HECW1: variants seen among roughly 807,000 people sequenced by gnomAD.
HECW1 encodes the protein HECT, C2 and WW domain containing E3 ubiquitin protein ligase 1.
Under a neutral mutation model 182.3 loss-of-function variants are expected in HECW1, and 61 were observed. The observed-to-expected ratio is 0.33, with a 90% CI of 0.27 to 0.41. The LOEUF (loss-of-function observed/expected upper bound fraction) is 0.41. Ranked by LOEUF, HECW1 falls within the 10% of genes least tolerant of loss-of-function variation. The pLI, the probability that HECW1 is intolerant of heterozygous loss-of-function variation, is 1.00. For missense variants in HECW1, 1,739 were observed against 2,108.9 expected, an observed-to-expected ratio of 0.82 and a Z score of 3.44; for synonymous variants, 859 against 832.6, an observed-to-expected ratio of 1.03 and a Z score of -0.55.
intron 2 of HECW1, among the ~76,000 whole-genome samples, chr7:43,158,666 T>G (rs1004024186): frequency 6.6e-6 from 1 of 152,104 alleles, no homozygotes; most frequent in East Asian, 1.9e-4. Flanking sequence ...ACCCCTCCAA[T>G]CCCATCCCCT....
At chr7:43,406,002 A>G (rs1031355701) in intron 7 of HECW1, among the ~76,000 whole-genome samples, 4 of 152,194 alleles carry the variant, frequency 2.6e-5, no homozygotes, top group Admixed American at 6.5e-5. Context: ...AGTCTTGCGC[A>G]TGCCTCCTCT....
chr7:43,149,421 A>T (rs1006719691), intron 2 of HECW1, among the ~76,000 whole-genome samples: 5 of 152,252 alleles, frequency 3.3e-5, no homozygotes, highest in African/African-American at 1.2e-4. Context: ...GAATTTTTTG[A>T]AATGTCCACA....
chr7:43,277,154 A>G (rs1803264328), intron 3 of HECW1, among the ~76,000 whole-genome samples: 1 of 152,164 alleles, frequency 6.6e-6, no homozygotes, highest in Non-Finnish European at 1.5e-5. Context: ...ATTAGGTAAA[A>G]TGTGAAGATG....
At chr7:43,358,547 T>C (rs1815448021) in intron 5 of HECW1, among the ~76,000 whole-genome samples, 1 of 152,154 alleles carries the variant, frequency 6.6e-6, no homozygotes, top group Non-Finnish European at 1.5e-5. Flanking sequence ...ATCACCCAGG[T>C]AATGGAAAAC....
At chr7:43,406,382 C>CAG (rs1387343755) in intron 7 of HECW1, among the ~76,000 whole-genome samples, 3 of 152,170 alleles carry the variant, frequency 2.0e-5, no homozygotes, top group Non-Finnish European at 4.4e-5. Context: ...ATTATCATGC[C>CAG]AGAGAGTAGG....
chr7:43,472,763 T>G (rs2078073103), intron 16 of HECW1, among the ~76,000 whole-genome samples: 1 of 152,210 alleles, frequency 6.6e-6, no homozygotes, highest in Non-Finnish European at 1.5e-5. Context: ...TTAAAAATCT[T>G]ATCAATATGC....
intron 5 of HECW1, among the ~76,000 whole-genome samples, chr7:43,324,000 C>A (rs1369010035): frequency 2.0e-5 from 3 of 151,770 alleles, no homozygotes; most frequent in African/African-American, 7.3e-5. Flanking sequence ...CACCATTGCA[C>A]TCCAGTTTGG....
At chr7:43,153,908 G>C (rs1440869255) in intron 2 of HECW1, among the ~76,000 whole-genome samples, 1 of 151,986 alleles carries the variant, frequency 6.6e-6, no homozygotes, top group African/African-American at 2.4e-5. Flanking sequence ...TATGCTTTTT[G>C]TTGATGAGAT....
In HECW1 at chr7:43,214,149, A is replaced by G. The variant is rs180676465; in HGVS notation, c.-31-29726A>G. On this transcript the variant is annotated intron_variant, in intron 2 of 29. Transcript: ENST00000395891. The stretch of plus-strand genomic sequence containing the variant: ...ACATATGTATTTCTATAGTTTTTCT[A>G]GTTTTTCATATATATTTCTCTCTAA... Among the ~76,000 whole-genome samples the G allele has an allele frequency of 3.9e-4, 59 of 151,488 alleles. 1 individual carries two copies. The East Asian group carries it at 0.011, about 29-fold the overall frequency.
intron 5 of HECW1, among the ~76,000 whole-genome samples, chr7:43,331,155 GC>G (rs1172892729): frequency 6.6e-6 from 1 of 151,448 alleles, no homozygotes; most frequent in East Asian, 2.0e-4. Flanking sequence ...CCCACGACAG[GC>G]CCCCGTGTGT....
chr7:43,209,018 A>C (rs563402241), intron 2 of HECW1, among the ~76,000 whole-genome samples: 1 of 152,190 alleles, frequency 6.6e-6, no homozygotes, highest in Non-Finnish European at 1.5e-5. Flanking sequence ...ACTTGGCTAT[A>C]TGCACAAAAC....
chr7:43,159,348 G>A (rs1385408144), intron 2 of HECW1, among the ~76,000 whole-genome samples: 2 of 28,348 alleles, frequency 7.1e-5, no homozygotes, highest in Non-Finnish European at 1.5e-4. Context: ...CCAACCCCCC[G>A]ACAGGCCCCT....
chr7:43,521,135 C>G (rs781679586), intron 24 of HECW1, among the ~76,000 whole-genome samples: 28 of 152,180 alleles, frequency 1.8e-4, no homozygotes, highest in Non-Finnish European at 3.8e-4. Flanking sequence ...TTGACGGATG[C>G]GTCTCTCAGA....
chr7:43,561,184 C>T (rs180800702), intron 29 of HECW1, among the ~76,000 whole-genome samples: 1 of 152,338 alleles, frequency 6.6e-6, no homozygotes, highest in East Asian at 1.9e-4. Context: ...CAGGAGGAAG[C>T]ACATGAAGCA....
Position 43,541,912 on chromosome 7 carries a change from C to T in HECW1, c.4162C>T (p.His1388Tyr). 1 of 1,551,940 alleles carries T rather than the reference C, an allele frequency of 6.4e-7. No homozygotes were observed. Residue 1388 changes from histidine (H) to tyrosine (Y), a missense_variant, in exon 26 of 30, where the codon CAC becomes TAC. Physicochemically the swap from His to Tyr is moderately conservative, Grantham distance 83 (BLOSUM62 2). Around this residue, in one of 5 missense-constraint regions of HECW1, gnomAD observed 420 missense variants for 595.7 expected, o/e 0.71. Transcript: ENST00000395891. ...SDLEYLDEEF[H>Y]QSLQWMKDNN... The stretch of plus-strand genomic sequence containing the variant: ...CCTGGAATATTTGGATGAGGAATTC[C>T]ACCAGAGTTTGCAGTGGATGAAGGA...
rs2076577661 is a variant in HECW1, at chr7:43,432,298, C to T, written c.802-5705C>T. On this transcript the variant is annotated intron_variant, in intron 8 of 29. Coordinates refer to ENST00000395891, the MANE Select transcript of HECW1 (RefSeq NM_015052.5). This position sits in a 1 kb window ranked among gnomAD's most constrained non-coding sequence, Gnocchi z 4.1. ...GGGACTACAGGCGCCCGCCACTACA[C>T]CCGGCTAATTTTTTGTATTTTTAGT... is the stretch of plus-strand genomic sequence containing the variant. 6.6e-6 allele frequency among the ~76,000 whole-genome samples: 1 copy of T among 151,962 alleles called. No individual in the cohort carries two copies. The highest frequency in any genetic ancestry group is 6.5e-5 in the Admixed American group (1 of 15,274).
At chr7:43,132,461 T>C (rs569263566) in intron 2 of HECW1, among the ~76,000 whole-genome samples, 1 of 152,328 alleles carries the variant, frequency 6.6e-6, no homozygotes, top group Admixed American at 6.5e-5. Flanking sequence ...ATGGTAACTT[T>C]ACAATCATAT....
At chr7:43,198,077 TACAC>T (rs1449470127) in intron 2 of HECW1, among the ~76,000 whole-genome samples, 2 of 142,144 alleles carry the variant, frequency 1.4e-5, no homozygotes, top group Non-Finnish European at 3.1e-5. Flanking sequence ...CACACTCTCT[TACAC>T]ACCACACACT....
intron 3 of HECW1, among the ~76,000 whole-genome samples, chr7:43,286,704 A>T (rs1584332951): frequency 1.3e-5 from 2 of 152,132 alleles, no homozygotes; most frequent in East Asian, 1.9e-4. Context: ...GGGAGGAGGG[A>T]TATCACCAAC....
Sources: allele counts gnomAD v4.1 joint callset (sites outside exome capture counted in the v4.1 genomes callset), GRCh38; gene constraint gnomAD v4.1.1; regional missense constraint gnomAD v4.1.1; non-coding constraint Gnocchi (gnomAD v3.1); transcripts MANE v1.5; gene names NCBI Gene and HGNC (gene_info 2026-07-23, HGNC 2026-07-21).